PLEKHG1: variants seen among roughly 807,000 people sequenced by gnomAD.
PLEKHG1 encodes the protein pleckstrin homology and RhoGEF domain containing G1.
In PLEKHG1, 44 loss-of-function variants were observed where a neutral mutation model predicts 100.8. The ratio of observed to expected loss-of-function variants is 0.44; its 90% CI spans 0.34 to 0.56. PLEKHG1 has a LOEUF of 0.56. Ranked by LOEUF, PLEKHG1 falls within the 20% of genes least tolerant of loss-of-function variation. PLEKHG1 has a pLI of 0.01. For missense variants in PLEKHG1, 1,545 were observed against 1,720.9 expected (o/e 0.90, Z 1.81); for synonymous variants, 640 against 662.5 (o/e 0.97, Z 0.52).
intron 2 of PLEKHG1, among the ~76,000 whole-genome samples, chr6:150,739,606 T>C (rs1021767261): frequency 6.6e-6 from 1 of 151,588 alleles, no homozygotes; most frequent in African/African-American, 2.4e-5. Flanking sequence ...AGGCGGAGGT[T>C]GCAGTGAGCC....
rs180855249 is a variant in PLEKHG1, at chr6:150,644,395, C to T, written c.-158+6270C>T. ...TGTCACCCAGGCTGGAGTGCAGTGG[C>T]GCAATCTTGGCTCACTGCAACCTCT... is the stretch of plus-strand genomic sequence containing the variant. On this transcript the variant is annotated intron_variant, in intron 2 of 3. Transcript: ENST00000367326. 2.7e-3 allele frequency among the ~76,000 whole-genome samples: 375 copies of T among 137,710 alleles called. 2 individuals carry two copies. The highest frequency in any genetic ancestry group is 9.8e-3 in the African/African-American group (354 of 36,170). 90.3% of individuals were successfully genotyped at this position (137,710 alleles called of 152,430 possible). A position where few individuals can be genotyped will look rare whatever the true frequency, so the allele number is the denominator to read the frequency against.
At chr6:150,829,421 C>A (rs1343864727) in intron 14 of PLEKHG1, among the ~76,000 whole-genome samples, 1 of 152,152 alleles carries the variant, frequency 6.6e-6, no homozygotes. Flanking sequence ...TGTCTAAGAC[C>A]AGCCTGGCCA....
chr6:150,799,054 T>TA (rs80085174), intron 5 of PLEKHG1, among the ~76,000 whole-genome samples: 172 of 144,696 alleles, frequency 1.2e-3, no homozygotes, highest in South Asian at 1.1e-3. Flanking sequence ...AAGTTGTCTT[T>TA]AAAAAAAAAA....
At chr6:150,642,397 T>A (rs1222627959) in intron 2 of PLEKHG1, among the ~76,000 whole-genome samples, 3 of 152,198 alleles carry the variant, frequency 2.0e-5, no homozygotes, top group African/African-American at 7.2e-5. Context: ...ACGTGTAGAA[T>A]CTGCCAAAAC....
At chr6:150,842,397 G>A (rs1198417558) in exon 16 of PLEKHG1, 7 of 151,940 alleles carry the variant, frequency 4.6e-5, no homozygotes, top group Non-Finnish European at 4.4e-5. Flanking sequence ...GTAATATTGA[G>A]TAAGTGACAT....
At chr6:150,793,988 A>T (rs1226533490) in intron 4 of PLEKHG1, among the ~76,000 whole-genome samples, 1 of 152,190 alleles carries the variant, frequency 6.6e-6, no homozygotes, top group Non-Finnish European at 1.5e-5. Context: ...AGGCTAAGGC[A>T]GGAGAATCAC....
chr6:150,610,227 G>A (rs1414781265), intron 1 of PLEKHG1, among the ~76,000 whole-genome samples: 4 of 152,114 alleles, frequency 2.6e-5, no homozygotes, highest in African/African-American at 2.4e-5. Context: ...TCAGCCTCCC[G>A]AGTAGCTGGG....
intron 3 of PLEKHG1, among the ~76,000 whole-genome samples, chr6:150,669,790 G>T (rs1235296028): frequency 1.8e-4 from 27 of 151,920 alleles, no homozygotes; most frequent in Non-Finnish European, 1.2e-4. Flanking sequence ...TAGAGACAGG[G>T]TTTCACTATG....
intron 3 of PLEKHG1, among the ~76,000 whole-genome samples, chr6:150,773,985 T>C (rs1206412021): frequency 6.6e-6 from 1 of 152,200 alleles, no homozygotes; most frequent in African/African-American, 2.4e-5. Context: ...ACTAGAACAT[T>C]TTCTCTATTG....
chr6:150,823,747 C>T (rs1020042946), intron 14 of PLEKHG1, 71 bp downstream of exon 15: 4 of 1,021,102 alleles, frequency 3.9e-6, no homozygotes, highest in East Asian at 2.4e-5. Flanking sequence ...CCTTCCCCAT[C>T]TCTGTCATCT....
intron 3 of PLEKHG1, among the ~76,000 whole-genome samples, chr6:150,673,185 G>A (rs1291407679): frequency 6.6e-6 from 1 of 152,058 alleles, no homozygotes; most frequent in Non-Finnish European, 1.5e-5. Context: ...TTAACCTTTA[G>A]CATCCTCTCT....
intron 15 of PLEKHG1, among the ~76,000 whole-genome samples, chr6:150,835,457 C>T (rs754654506): frequency 1.2e-4 from 18 of 151,962 alleles, no homozygotes; most frequent in Non-Finnish European, 4.4e-5. Flanking sequence ...TTGATATTTC[C>T]CTTGGCAAAC....
intron 3 of PLEKHG1, among the ~76,000 whole-genome samples, chr6:150,775,577 A>G (rs1223420950): frequency 6.6e-6 from 1 of 152,172 alleles, no homozygotes; most frequent in East Asian, 1.9e-4. Flanking sequence ...AAGCCACATA[A>G]TCAAGGAAGG....
At chr6:150,760,208 A>T (rs961953718) in intron 2 of PLEKHG1, among the ~76,000 whole-genome samples, 18 of 152,172 alleles carry the variant, frequency 1.2e-4, no homozygotes, top group Non-Finnish European at 2.2e-4. Context: ...TTATTTTCAG[A>T]TGCGTCAAGT....
At chr6:150,735,152 A>C in intron 2 of PLEKHG1, among the ~76,000 whole-genome samples, 1 of 151,822 alleles carries the variant, frequency 6.6e-6, no homozygotes, top group Non-Finnish European at 1.5e-5. Flanking sequence ...ACACCCAGCT[A>C]ATTTTGTATT....
chr6:150,764,806 C>A (rs943833701), intron 2 of PLEKHG1, among the ~76,000 whole-genome samples: 1 of 152,168 alleles, frequency 6.6e-6, no homozygotes, highest in African/African-American at 2.4e-5. Flanking sequence ...CTCCCTGGAA[C>A]GGACCACTTC....
chr6:150,832,681 C>CTTTTTT (rs66957918), intron 15 of PLEKHG1, among the ~76,000 whole-genome samples: 1 of 125,460 alleles, frequency 8.0e-6, no homozygotes, highest in Non-Finnish European at 1.6e-5. Flanking sequence ...TTTTTGCATA[C>CTTTTTT]TTTTTTTTTT....
intron 2 of PLEKHG1, among the ~76,000 whole-genome samples, chr6:150,738,996 C>A (rs55830601): frequency 0.012 from 1,801 of 152,200 alleles, 37 homozygotes; most frequent in African/African-American, 0.041. Context: ...ATGGGACCTT[C>A]GATTGACTGG....
chr6:150,719,630 C>T (rs1471029445), upstream of PLEKHG1, among the ~76,000 whole-genome samples: 1 of 152,108 alleles, frequency 6.6e-6, no homozygotes, highest in Admixed American at 6.5e-5. Flanking sequence ...GCAGATCAAA[C>T]GGGAGCTTGA....
Sources: gnomAD v4.1 joint callset for allele counts (sites outside exome capture counted in the v4.1 genomes callset) on GRCh38, gnomAD v4.1.1 for gene constraint, MANE v1.5 for transcripts, NCBI Gene and HGNC (gene_info 2026-07-23, HGNC 2026-07-21) for gene names.